MICU1: variants seen among roughly 807,000 people sequenced by gnomAD.
MICU1 encodes the protein calcium uptake protein 1, mitochondrial.
A neutral mutation model predicts 56.8 loss-of-function variants in MICU1; 45 were observed. The observed-to-expected ratio is 0.79, with a 90% confidence interval of 0.62 to 1.02. The LOEUF is 1.02. Ranked by LOEUF, MICU1 falls within the 50% of genes least tolerant of loss-of-function variation. MICU1 has a pLI of 0.00. For synonymous variants in MICU1, 186 were observed against 195.1 expected (o/e 0.95, Z 0.39); for missense variants, 504 against 587.1 (o/e 0.86, Z 1.46).
intron 9 of MICU1, among the ~76,000 whole-genome samples, chr10:72,417,469 A>G (rs1272440216): frequency 1.3e-5 from 2 of 151,630 alleles, no homozygotes; most frequent in African/African-American, 2.4e-5. Context: ...AAAAAAAAAA[A>G]AAAAGAAATA....
At chr10:72,625,778 G>A (rs181180415) in intron 1 of MICU1, among the ~76,000 whole-genome samples, 11 of 152,276 alleles carry the variant, frequency 7.2e-5, no homozygotes, top group Admixed American at 1.3e-4. Flanking sequence ...GACGGGTTGG[G>A]GTGAAGGAAA....
At chr10:72,538,062 T>G (rs1839680138) in intron 4 of MICU1, among the ~76,000 whole-genome samples, 1 of 152,168 alleles carries the variant, frequency 6.6e-6, no homozygotes, top group African/African-American at 2.4e-5. Flanking sequence ...TTCAGTTCTT[T>G]TCTTTCAGTT....
At chr10:72,524,184 A>C (rs1867903106) in intron 5 of MICU1, among the ~76,000 whole-genome samples, 1 of 152,098 alleles carries the variant, frequency 6.6e-6, no homozygotes, top group African/African-American at 2.4e-5. Context: ...GTAGTGTCAC[A>C]ATCTTAGCTC....
At chr10:72,533,066 T>G (rs897749520) in intron 5 of MICU1, 11 of 1,289,766 alleles carry the variant, frequency 8.5e-6, no homozygotes, top group Admixed American at 2.3e-5. Flanking sequence ...TGCCTGGTTC[T>G]TTCTTCTTTC....
At chr10:72,542,914 G>A (rs965687739) in intron 4 of MICU1, among the ~76,000 whole-genome samples, 2 of 152,200 alleles carry the variant, frequency 1.3e-5, no homozygotes, top group African/African-American at 4.8e-5. Context: ...GGATGGGATG[G>A]GCAGGTAATC....
At position 72,402,774 on chromosome 10, in the gene MICU1, T is replaced by C. The variant is rs565902371; in HGVS notation, c.1180+5155A>G. Among the ~76,000 whole-genome samples the C allele has an allele frequency of 7.9e-5, 12 of 152,240 alleles. No individual in the cohort carries two copies. In the South Asian group the frequency reaches 2.1e-3, roughly 26 times the overall value. ...ATAAAGGAAGTTCGGCTGGGCGGCA[T>C]GGTGGCTGATGCCTGTAATCTTAGC... On this transcript the variant is annotated intron_variant, in intron 10 of 11. Coordinates refer to ENST00000361114, the MANE Select transcript of MICU1 (RefSeq NM_001195518.2).
intron 1 of MICU1, among the ~76,000 whole-genome samples, chr10:72,583,511 C>A (rs1840962781): frequency 6.6e-6 from 1 of 152,112 alleles, no homozygotes; most frequent in South Asian, 2.1e-4. Flanking sequence ...GAACTCCTGA[C>A]CTCAGGTGAT....
At position 72,584,585 on chromosome 10, in the gene MICU1, C is replaced by T. The variant is rs148758490; in HGVS notation, c.-1-17791G>A. On this transcript the variant is annotated intron_variant, in intron 1 of 11. Transcript: ENST00000361114. Reference sequence around the variant, plus strand: ...TTTTTTTTTTGGAGACAGGGTCTCGCTCTGTTGCCCAAGCTGGAGTGCAGT... The same window carrying T: ...TTTTTTTTTTGGAGACAGGGTCTCGTTCTGTTGCCCAAGCTGGAGTGCAGT... Among the ~76,000 whole-genome samples, 1,291 of 151,510 alleles carry T rather than the reference C, an allele frequency of 8.5e-3. 19 individuals are homozygous for T. Among genetic ancestry groups the T allele is most frequent in the African/African-American group, 0.03 (1,219 of 41,256 alleles).
chr10:72,531,178 T>G (rs1370514097), intron 5 of MICU1, among the ~76,000 whole-genome samples: 1 of 152,054 alleles, frequency 6.6e-6, no homozygotes, highest in East Asian at 1.9e-4. Flanking sequence ...ATAGTTTATC[T>G]TCCAAATTAA....
intron 8 of MICU1, among the ~76,000 whole-genome samples, chr10:72,454,907 A>C (rs1865411331): frequency 6.6e-6 from 1 of 152,222 alleles, no homozygotes; most frequent in Non-Finnish European, 1.5e-5. Context: ...AGTTCAGTAC[A>C]AGCTGATAAG....
chr10:72,426,053 T>C (rs993396530), intron 8 of MICU1, among the ~76,000 whole-genome samples: 8 of 152,086 alleles, frequency 5.3e-5, no homozygotes, highest in Admixed American at 4.6e-4. Flanking sequence ...TTTTTGTTGT[T>C]GTTGTCCAGG....
chr10:72,461,303 C>T (rs1212907205), intron 8 of MICU1, among the ~76,000 whole-genome samples: 1 of 152,146 alleles, frequency 6.6e-6, no homozygotes, highest in Non-Finnish European at 1.5e-5. Context: ...TCTAATGCCT[C>T]TTCTTGGGTA....
intron 5 of MICU1, among the ~76,000 whole-genome samples, chr10:72,508,902 G>C (rs1208053976): frequency 6.6e-6 from 1 of 151,938 alleles, no homozygotes; most frequent in East Asian, 1.9e-4. Context: ...TTTAATGGAG[G>C]CTCCTAGATG....
intron 5 of MICU1, among the ~76,000 whole-genome samples, chr10:72,514,243 T>A (rs976776534): frequency 6.6e-6 from 1 of 152,216 alleles, no homozygotes; most frequent in Non-Finnish European, 1.5e-5. Flanking sequence ...AGTTCATACA[T>A]CATCCTTTTA....
intron 1 of MICU1, among the ~76,000 whole-genome samples, chr10:72,601,428 TAAA>T (rs77385847): frequency 9.9e-5 from 9 of 91,008 alleles, no homozygotes; most frequent in Non-Finnish European, 1.3e-4. Context: ...ACCCTGTCTT[TAAA>T]AAAAAAAAAA....
rs1224986599 is a variant in MICU1, at chr10:72,450,538, CG to C, written c.933+24561del. On this transcript the variant is annotated intron_variant, in intron 8 of 11. Coordinates refer to ENST00000361114, the MANE Select transcript of MICU1 (RefSeq NM_001195518.2). The stretch of plus-strand genomic sequence containing the variant: ...GTTCTTTTCTGCTTCATACACATTC[CG>C]GGGAACTAACTCTAACAACTTGCAA... Among the ~76,000 whole-genome samples the C allele has an allele frequency of 3.3e-5, 5 of 152,014 alleles. No homozygotes were observed. The East Asian group carries it at 7.7e-4, about 24-fold the overall frequency.
intron 11 of MICU1, among the ~76,000 whole-genome samples, chr10:72,374,170 T>G (rs113082737): frequency 0.11 from 17,501 of 152,236 alleles, 2,696 homozygotes; most frequent in African/African-American, 0.35. Flanking sequence ...ACCCAGGCTG[T>G]AGTGCAGTGG....
At chr10:72,512,097 G>GTTTTTTTTTTTTTTTTTTTTTTTTTTT (rs1867471926) in intron 5 of MICU1, among the ~76,000 whole-genome samples, 5 of 100,702 alleles carry the variant, frequency 5.0e-5, no homozygotes, top group African/African-American at 2.1e-4. Context: ...TCCATACACA[G>GTTTTTTTTTTTTTTTTTTTTTTTTTTT]TTGTTTTTTG....
At chr10:72,589,226 T>C (rs573953179) in intron 1 of MICU1, among the ~76,000 whole-genome samples, 2 of 151,636 alleles carry the variant, frequency 1.3e-5, no homozygotes, top group African/African-American at 4.8e-5. Context: ...GAGGCGGAGG[T>C]TGCAGTGGGC....
Sources: allele counts gnomAD v4.1 joint callset (sites outside exome capture counted in the v4.1 genomes callset), GRCh38; gene constraint gnomAD v4.1.1; transcripts MANE v1.5; gene names NCBI Gene and HGNC (gene_info 2026-07-23, HGNC 2026-07-21).